Variants in NFIB observed in about 807,000 individuals in gnomAD.
NFIB encodes nuclear factor I B.
In NFIB, 11 loss-of-function variants were observed where a neutral mutation model predicts 61.5. That is an observed-to-expected ratio of 0.18 (90% CI 0.11 to 0.30). The LOEUF (loss-of-function observed/expected upper bound fraction) is 0.30, where lower values mean the gene tolerates loss of function less well. Among genes scored for constraint, NFIB ranks in the 10% least tolerant of loss-of-function variants. The pLI, the probability that NFIB is intolerant of heterozygous loss-of-function variation, is 1.00. For synonymous variants in NFIB, 260 were observed against 216.5 expected, an observed-to-expected ratio of 1.20 and a Z score of -1.76; for missense variants, 471 against 608.9, an observed-to-expected ratio of 0.77 and a Z score of 2.38.
At chr9:14,176,856 G>A (rs956118693) in intron 3 of NFIB, among the ~76,000 whole-genome samples, 5 of 152,060 alleles carry the variant, frequency 3.3e-5, no homozygotes, top group Admixed American at 6.5e-5. Context: ...TAGGATGATC[G>A]GATGGGATTC....
intron 1 of NFIB, among the ~76,000 whole-genome samples, chr9:14,353,258 T>C (rs1402913858): frequency 6.6e-6 from 1 of 152,052 alleles, no homozygotes; most frequent in Non-Finnish European, 1.5e-5. Flanking sequence ...TTGTGATTGT[T>C]TTTGTGCGTG....
In NFIB at chr9:14,116,226, T is replaced by C. The variant is rs1222977865; in HGVS notation, c.1366A>G (p.Ile456Val). The C allele has an allele frequency of 1.3e-6, 2 of 1,519,726 alleles. No individual in the cohort carries two copies. Among genetic ancestry groups the C allele is most frequent in the Admixed American group, 4.2e-5 (2 of 47,714 alleles). 94.1% of individuals were successfully genotyped at this position (1,519,726 alleles called of 1,614,324 possible). A position where few individuals can be genotyped will look rare whatever the true frequency, so the allele number is the denominator to read the frequency against. Residue 456 changes from isoleucine to valine, a missense_variant, in exon 9 of 11, where the codon ATC (isoleucine) becomes GTC (valine). Physicochemically the swap from Ile to Val is conservative, Grantham distance 29 (BLOSUM62 3). This residue lies in a region of NFIB where 372 missense variants were observed against 395.6 expected (regional missense o/e 0.94). Transcript: ENST00000380953. Reference protein sequence around the residue: ...VTLSMTDTKPITTSTEAYTAS... With the variant: ...VTLSMTDTKPVTTSTEAYTAS... Reference sequence around the variant, plus strand: ...GCCTCACCTTCAGTGGATGTAGTGATGGGTTTAGTATCTGTCATGCTCAGG... The same window carrying C: ...GCCTCACCTTCAGTGGATGTAGTGACGGGTTTAGTATCTGTCATGCTCAGG...
chr9:14,309,985 C>T (rs186687658), intron 1 of NFIB, among the ~76,000 whole-genome samples: 21 of 152,264 alleles, frequency 1.4e-4, no homozygotes, highest in Admixed American at 6.5e-4. Context: ...TGTGGTAACA[C>T]GTAAGTACTT....
intron 1 of NFIB, among the ~76,000 whole-genome samples, chr9:14,327,526 T>C (rs1157564843): frequency 2.0e-5 from 3 of 152,194 alleles, no homozygotes; most frequent in Non-Finnish European, 2.9e-5. Context: ...GGTGCTGCCA[T>C]ACAAGTATAG....
intron 2 of NFIB, among the ~76,000 whole-genome samples, chr9:14,249,473 T>C (rs1445008101): frequency 2.0e-5 from 3 of 152,328 alleles, no homozygotes; most frequent in African/African-American, 7.2e-5. Flanking sequence ...TTGTTCATTC[T>C]ACTTTTTTTT....
At chr9:14,184,850 G>A (rs1047721662) in intron 2 of NFIB, among the ~76,000 whole-genome samples, 24 of 152,002 alleles carry the variant, frequency 1.6e-4, no homozygotes, top group African/African-American at 5.1e-4. Context: ...GTGAAACCCC[G>A]TCTCTACCAA....
intron 2 of NFIB, among the ~76,000 whole-genome samples, chr9:14,285,138 C>A (rs79998967): frequency 0.042 from 6,408 of 152,210 alleles, 347 homozygotes; most frequent in East Asian, 0.22. Context: ...ATTTTCTTTT[C>A]TTGAGACAGA....
At chr9:14,331,766 A>C (rs2060823380) in intron 1 of NFIB, among the ~76,000 whole-genome samples, 1 of 152,176 alleles carries the variant, frequency 6.6e-6, no homozygotes. Flanking sequence ...CGATTCCCTT[A>C]CCTTCGAAAA....
intron 1 of NFIB, chr9:14,357,470 C>T (rs570327436): frequency 6.6e-6 from 1 of 152,304 alleles, no homozygotes; most frequent in South Asian, 2.1e-4. Flanking sequence ...TCAGATCCAA[C>T]TTTTTCCTGA....
chr9:14,509,362 C>A, the NFIB span, among the ~76,000 whole-genome samples: 1 of 152,290 alleles, frequency 6.6e-6, no homozygotes, highest in South Asian at 2.1e-4. Flanking sequence ...GATAATATGG[C>A]AAAATTAGTT....
the NFIB span, among the ~76,000 whole-genome samples, chr9:14,431,723 T>C: frequency 6.6e-6 from 1 of 151,984 alleles, no homozygotes; most frequent in African/African-American, 2.4e-5. Flanking sequence ...TTGTGCTCTT[T>C]CCTAGCTAAG....
intron 2 of NFIB, among the ~76,000 whole-genome samples, chr9:14,233,676 C>A (rs1422215519): frequency 6.6e-6 from 1 of 152,048 alleles, no homozygotes; most frequent in Admixed American, 6.6e-5. Context: ...GTGATCCACT[C>A]GCCTCAGCCT....
chr9:14,110,867 A>G (rs1287111005), intron 10 of NFIB, among the ~76,000 whole-genome samples: 2 of 152,132 alleles, frequency 1.3e-5, no homozygotes, highest in Non-Finnish European at 2.9e-5. Context: ...GTTCATTATA[A>G]AATAAAGCAT....
At chr9:14,484,210 G>A in the NFIB span, among the ~76,000 whole-genome samples, 1 of 152,190 alleles carries the variant, frequency 6.6e-6, no homozygotes, top group Non-Finnish European at 1.5e-5. Context: ...TGGGGCACTA[G>A]ACATAGAATA....
chr9:14,131,084 TC>T (rs2040347024), intron 6 of NFIB, among the ~76,000 whole-genome samples: 1 of 152,142 alleles, frequency 6.6e-6, no homozygotes, highest in Non-Finnish European at 1.5e-5. Context: ...AAAGAATTCT[TC>T]TTAATGACAG....
intron 2 of NFIB, among the ~76,000 whole-genome samples, chr9:14,208,213 T>A (rs2049947995): frequency 6.6e-6 from 1 of 152,180 alleles, no homozygotes; most frequent in African/African-American, 2.4e-5. Flanking sequence ...CTAATTCATC[T>A]ATACAACAAA....
At chr9:14,208,043 C>A (rs1563902378) in intron 2 of NFIB, among the ~76,000 whole-genome samples, 1 of 152,194 alleles carries the variant, frequency 6.6e-6, no homozygotes, top group Non-Finnish European at 1.5e-5. Flanking sequence ...ACAAGCTGCA[C>A]ACAATGTTCA....
intron 4 of NFIB, among the ~76,000 whole-genome samples, chr9:14,153,960 T>C (rs918838325): frequency 2.0e-5 from 3 of 152,136 alleles, no homozygotes; most frequent in African/African-American, 7.2e-5. Flanking sequence ...GTAATGAATA[T>C]AGATAATTAA....
chr9:14,524,756 G>A, the NFIB span, among the ~76,000 whole-genome samples: 1 of 152,136 alleles, frequency 6.6e-6, no homozygotes, highest in East Asian at 1.9e-4. Flanking sequence ...TTTAGCAGCT[G>A]GCATTTCCTC....
Sources: gnomAD v4.1 joint callset for allele counts (sites outside exome capture counted in the v4.1 genomes callset) on GRCh38, gnomAD v4.1.1 for gene constraint, gnomAD v4.1.1 regional missense constraint, MANE v1.5 for transcripts, NCBI Gene and HGNC (gene_info 2026-07-23, HGNC 2026-07-21) for gene names.